BICC1: variants seen among roughly 807,000 people sequenced by gnomAD.
BICC1 encodes the protein BicC family RNA binding protein 1.
A neutral mutation model predicts 111.0 loss-of-function variants in BICC1; 43 were observed. That is an observed-to-expected ratio of 0.39 (90% confidence interval 0.30 to 0.50). The LOEUF is 0.50. BICC1 is among the 20% of genes least tolerant of loss of function. The pLI is 0.88. For missense variants in BICC1, 1,091 were observed against 1,203.2 expected (o/e 0.91, Z 1.38); for synonymous variants, 467 against 434.4 (o/e 1.07, Z -0.93).
chr10:58,793,702 T>C (rs1843252393), intron 9 of BICC1, 87 bp downstream of exon 9: 5 of 1,416,500 alleles, frequency 3.5e-6, no homozygotes, highest in Non-Finnish European at 4.9e-6. Flanking sequence ...TATTTGCATA[T>C]ACATGAAACT....
At chr10:58,793,339 T>C in intron 8 of BICC1, 145 bp from the exon 9 acceptor site, 1 of 792,494 alleles carries the variant, frequency 1.3e-6, no homozygotes, top group South Asian at 2.0e-5. Flanking sequence ...CTCTAAGCTA[T>C]GTGAACTTAT....
At position 58,589,283 on chromosome 10, in the gene BICC1, T is replaced by C. The variant is rs1844527289; in HGVS notation, c.191-31572T>C. Among the ~76,000 whole-genome samples the C allele has an allele frequency of 2.0e-5, 3 of 152,098 alleles. No homozygotes were observed. The South Asian group carries it at 6.2e-4, about 32-fold the overall frequency. On this transcript the variant is annotated intron_variant, in intron 1 of 20. Coordinates refer to ENST00000373886, the MANE Select transcript of BICC1 (RefSeq NM_001080512.3). The stretch of plus-strand genomic sequence containing the variant: ...TCTGCATAAATGACTTTCACTCAGG[T>C]ACTTGTCACAGGGTCAGCTTCTGGG...
chr10:58,795,454 G>A (rs1338894362), intron 9 of BICC1, among the ~76,000 whole-genome samples: 2 of 152,160 alleles, frequency 1.3e-5, no homozygotes, highest in Admixed American at 6.5e-5. Flanking sequence ...ATAAAGACAG[G>A]AGAGACATTA....
chr10:58,556,551 T>C (rs1450937069), intron 1 of BICC1, among the ~76,000 whole-genome samples: 1 of 152,110 alleles, frequency 6.6e-6, no homozygotes, highest in Non-Finnish European at 1.5e-5. Context: ...GCAATTTGAT[T>C]GATAGAGCAG....
At chr10:58,823,610 A>G (rs1246972123) in intron 20 of BICC1, 5 of 985,234 alleles carry the variant, frequency 5.1e-6, no homozygotes, top group Non-Finnish European at 6.0e-6. Context: ...TTCATGGCCC[A>G]GTTGTTGTCA....
At chr10:58,544,039 C>T (rs1210175517) in intron 1 of BICC1, among the ~76,000 whole-genome samples, 1 of 151,986 alleles carries the variant, frequency 6.6e-6, no homozygotes, top group East Asian at 1.9e-4. Context: ...AAAGGTAGCA[C>T]TTTCTGTGTT....
chr10:58,566,797 T>C (rs1012483648), intron 1 of BICC1, among the ~76,000 whole-genome samples: 1 of 152,144 alleles, frequency 6.6e-6, no homozygotes, highest in Admixed American at 6.6e-5. Context: ...CCTTATCTTC[T>C]GATGTGTTTG....
At chr10:58,647,865 A>G (rs920197880) in intron 2 of BICC1, among the ~76,000 whole-genome samples, 1 of 152,120 alleles carries the variant, frequency 6.6e-6, no homozygotes, top group Non-Finnish European at 1.5e-5. Context: ...AGCTTCCTTC[A>G]GTGTTTAGCT....
chr10:58,799,662 G>A (rs750178079), intron 12 of BICC1, among the ~76,000 whole-genome samples: 1 of 151,934 alleles, frequency 6.6e-6, no homozygotes, highest in African/African-American at 2.4e-5. Context: ...TTGTAGGTGT[G>A]CAGCTTTATT....
intron 2 of BICC1, 78 bp downstream of exon 2, chr10:58,620,979 C>T (rs1036707406): frequency 1.3e-5 from 16 of 1,243,490 alleles, no homozygotes; most frequent in Admixed American, 9.9e-5. Context: ...TAGAAGCCAC[C>T]GAACGCTCCC....
At chr10:58,808,717 A>ATT (rs34786742) in intron 17 of BICC1, among the ~76,000 whole-genome samples, 97,944 of 145,138 alleles carry the variant, frequency 0.67, 33,302 homozygotes, top group Non-Finnish European at 0.73. Context: ...TTTAAAAAAA[A>ATT]TTTTTTTTTT....
chr10:58,523,820 A>C (rs891822733), intron 1 of BICC1, among the ~76,000 whole-genome samples: 6 of 152,308 alleles, frequency 3.9e-5, no homozygotes, highest in African/African-American at 1.2e-4. Flanking sequence ...GTCTCAGCCC[A>C]AAATCTCCTT....
intron 3 of BICC1, among the ~76,000 whole-genome samples, chr10:58,762,534 A>G (rs1376516025): frequency 6.6e-6 from 1 of 152,110 alleles, no homozygotes; most frequent in Non-Finnish European, 1.5e-5. Context: ...ACTATGTGGT[A>G]AAAGGAAGAA....
intron 1 of BICC1, among the ~76,000 whole-genome samples, chr10:58,536,706 A>T (rs1182773717): frequency 1.3e-5 from 2 of 151,792 alleles, no homozygotes; most frequent in Non-Finnish European, 2.9e-5. Context: ...AATAACAAAG[A>T]TCAGGGCAGA....
chr10:58,609,477 A>G (rs1845342824), intron 1 of BICC1, among the ~76,000 whole-genome samples: 1 of 152,254 alleles, frequency 6.6e-6, no homozygotes, highest in Admixed American at 6.5e-5. Flanking sequence ...AAATATGTGA[A>G]CCACAAATGT....
At chr10:58,768,539 T>A (rs368029296) in intron 3 of BICC1, among the ~76,000 whole-genome samples, 1 of 152,172 alleles carries the variant, frequency 6.6e-6, no homozygotes, top group East Asian at 1.9e-4. Context: ...AAAATAAATA[T>A]GTAGGCAAAT....
chr10:58,748,708 C>CG (rs1841904850), intron 3 of BICC1, among the ~76,000 whole-genome samples: 1 of 152,076 alleles, frequency 6.6e-6, no homozygotes, highest in Non-Finnish European at 1.5e-5. Context: ...GTATTGTACT[C>CG]GGTCAGTATT....
At position 58,513,028 on chromosome 10, in the gene BICC1, AG is replaced by A; in HGVS notation, c.-111del. 1.4e-6 allele frequency: 1 copy of A among 725,900 alleles called. No individual in the cohort carries two copies. The highest frequency in any genetic ancestry group is 1.8e-6 in the Non-Finnish European group (1 of 546,552). The allele number at this position is 725,900 out of a possible 1,614,324, so 45.0% of individuals were successfully genotyped here. A position where few individuals can be genotyped will look rare whatever the true frequency, so the allele number is the denominator to read the frequency against. ...CGTTGGCGGTGGCGTCGGCGGCTGCAGGGGGACGAGCTAGCGCCGCGGCGCT... is the reference window on the plus strand; with the variant it reads ...CGTTGGCGGTGGCGTCGGCGGCTGCAGGGGACGAGCTAGCGCCGCGGCGCT... On this transcript the variant is annotated 5_prime_UTR_variant, in exon 1 of 21. The change abolishes the stop of an existing upstream ORF in the 5' untranslated region. Coordinates refer to ENST00000373886, the MANE Select transcript of BICC1 (RefSeq NM_001080512.3).
chr10:58,552,175 C>T (rs1843312624), intron 1 of BICC1, among the ~76,000 whole-genome samples: 1 of 151,776 alleles, frequency 6.6e-6, no homozygotes, highest in Admixed American at 6.6e-5. Flanking sequence ...AGAGTCTTAA[C>T]TTCTTGGTTA....
Sources: gnomAD v4.1 joint callset for allele counts (sites outside exome capture counted in the v4.1 genomes callset) on GRCh38, gnomAD v4.1.1 for gene constraint, MANE v1.5 for transcripts, NCBI Gene and HGNC (gene_info 2026-07-23, HGNC 2026-07-21) for gene names.